SIGLEC1: variants seen among roughly 807,000 people sequenced by gnomAD.
SIGLEC1 encodes sialic acid binding Ig like lectin 1, also known as sialoadhesin.
SIGLEC1 carries 132 observed loss-of-function variants against 148.0 expected under a neutral mutation model. The observed-to-expected ratio is 0.89, with a 90% confidence interval of 0.77 to 1.03. SIGLEC1 has a LOEUF of 1.03. Among genes scored for constraint, SIGLEC1 ranks in the 50% least tolerant of loss-of-function variants. The pLI is 0.00. For missense variants in SIGLEC1, 2,253 were observed against 2,271.4 expected, an observed-to-expected ratio of 0.99 and a Z score of 0.16; for synonymous variants, 945 against 969.0, an observed-to-expected ratio of 0.98 and a Z score of 0.46.
Position 3,697,212 on chromosome 20 carries a change from C to T in SIGLEC1, c.2253G>A (p.Trp751Ter), listed in dbSNP as rs1156367948. ...NFSWFRNGVLWAQGPLETVTL... is the reference protein window; with the variant it reads ...NFSWFRNGVL ...TCACGGTCTCCAGGGGACCCTGGGC[C>T]CACAGCACCCCATTTCGGAACCAGG... Residue 751 changes from tryptophan to a stop codon, truncating the protein, a stop_gained, in exon 10 of 22, where the codon TGG becomes TGA. Coordinates refer to ENST00000344754, the MANE Select transcript of SIGLEC1 (RefSeq NM_023068.4). LOFTEE classifies it high-confidence loss of function. 6.2e-7 allele frequency: 1 copy of T among 1,613,900 alleles called. No homozygotes were observed. The highest frequency in any genetic ancestry group is 8.5e-7 in the Non-Finnish European group (1 of 1,180,020).
At chr20:3,696,990 G>A (rs2087806692) in intron 10 of SIGLEC1, 95 bp downstream of exon 10, 1 of 1,548,900 alleles carries the variant, frequency 6.5e-7, no homozygotes, top group Non-Finnish European at 8.7e-7. Context: ...CCTAAGCCAT[G>A]CTCTTTCCTC....
At chr20:3,704,206 C>T in intron 4 of SIGLEC1, 115 bp from the exon 5 acceptor site, 3 of 983,150 alleles carry the variant, frequency 3.1e-6, no homozygotes, top group Non-Finnish European at 4.6e-6. Flanking sequence ...CCAGATAAAA[C>T]AGCAGTCCCC....
chr20:3,694,120 T>C, intron 13 of SIGLEC1, 101 bp downstream of exon 13: 3 of 1,294,778 alleles, frequency 2.3e-6, no homozygotes, highest in Non-Finnish European at 3.2e-6. Flanking sequence ...TGGGGACTAT[T>C]CCCGTGCCCC....
At position 3,706,544 on chromosome 20, in the gene SIGLEC1, C is replaced by A; in HGVS notation, c.212G>T (p.Ser71Ile). Residue 71 changes from serine (S) to isoleucine (I), a missense_variant, in exon 3 of 22, where the codon AGC (serine) becomes ATC (isoleucine). By Grantham distance (142) the Ser-to-Ile change is moderately radical. Transcript: ENST00000344754. ...YDYSGQRQVV[S>I]HSADPKLVEA... ...CACCAGCTTGGGGTCCGCCGAGTGG[C>A]TCACCACCTGCCGCTGGCCCGAGTA... 1 of 1,612,538 alleles carries A rather than the reference C, an allele frequency of 6.2e-7. No individual in the cohort carries two copies. Among genetic ancestry groups the A allele is most frequent in the Non-Finnish European group, 8.5e-7 (1 of 1,179,844 alleles).
At chr20:3,693,337 T>C (rs2088785063) in intron 14 of SIGLEC1, 110 bp downstream of exon 14, 2 of 1,293,190 alleles carry the variant, frequency 1.5e-6, no homozygotes, top group Non-Finnish European at 2.1e-6. Context: ...CTCCACTAGC[T>C]ACTGGGTACC....
chr20:3,693,019 G>T lies in SIGLEC1; in HGVS notation c.3621C>A (p.His1207Gln). ...TCGAGGAGGCCAAGAGGCGACCGGC[G>T]TGGCTGAGGGCCAGCTGGGCGGGCG... ...SRPPAQLALS[H>Q]AGRLLASSTA... Residue 1207 changes from histidine to glutamine, a missense_variant, in exon 15 of 22, where the codon CAC (histidine) becomes CAA (glutamine). By Grantham distance (24) the His-to-Gln change is conservative. Transcript: ENST00000344754. The T allele has an allele frequency of 6.2e-7, 1 of 1,611,758 alleles. No homozygotes were observed. The highest frequency in any genetic ancestry group is 8.5e-7 in the Non-Finnish European group (1 of 1,179,690).
At chr20:3,701,291 G>T (rs776694023) in intron 7 of SIGLEC1, 51 bp downstream of exon 7, 8 of 1,492,676 alleles carry the variant, frequency 5.4e-6, no homozygotes, top group Non-Finnish European at 7.3e-6. Flanking sequence ...ACTGGAGCAG[G>T]CTCCTCCTCA....
In SIGLEC1 at chr20:3,703,470, G is replaced by A; in HGVS notation, c.974-19C>T. ...TCAGCCACTGCAAGGGCAGCATAGG[G>A]AGTGCTGGGGGGTCCCAGCCAACTT... On this transcript the variant is annotated intron_variant, in intron 5 of 21. Transcript: ENST00000344754. 6.5e-7 allele frequency: 1 copy of A among 1,547,848 alleles called. No individual in the cohort carries two copies. The highest frequency in any genetic ancestry group is 8.7e-7 in the Non-Finnish European group (1 of 1,146,338).
At position 3,699,329 on chromosome 20, in the gene SIGLEC1, G is replaced by A. The variant is rs369763140; in HGVS notation, c.1659C>T (p.His553=). Reference sequence around the variant, plus strand: ...GCAGGAGGCTGCTGCCGGGACCCTCGTGAAGCAGGGCTCCATTCAGGTACC... The same window carrying A: ...GCAGGAGGCTGCTGCCGGGACCCTCATGAAGCAGGGCTCCATTCAGGTACC... The part of the protein sequence containing the change: ...FSWYLNGALL[H]EGPGSSLLLP... The change falls in exon 8 of 22, where the codon CAC becomes CAT. Residue 553 remains histidine, a synonymous_variant. Transcript: ENST00000344754. The A allele has an allele frequency of 4.2e-5, 68 of 1,608,682 alleles. No homozygotes were observed. Among genetic ancestry groups the A allele is most frequent in the African/African-American group, 2.3e-4 (17 of 74,904 alleles).
At position 3,691,525 on chromosome 20, in the gene SIGLEC1, C is replaced by A; in HGVS notation, c.4406G>T (p.Gly1469Val). Residue 1469 changes from glycine (G) to valine (V), a missense_variant, in exon 18 of 22, where the codon GGT becomes GTT. Gly to Val is a moderately radical substitution (Grantham distance 109, BLOSUM62 -3). Coordinates refer to ENST00000344754, the MANE Select transcript of SIGLEC1 (RefSeq NM_023068.4). ...AALNLSCRLL[G>V]GPGPVGNSTF... ...GGAGTTGCCCACAGGCCCAGGGCCA[C>A]CCAGGAGGCGGCAGCTGAGGTTCAG... 3 of 1,613,264 alleles carry A rather than the reference C, an allele frequency of 1.9e-6. No individual in the cohort carries two copies. The highest frequency in any genetic ancestry group is 1.7e-4 in the Middle Eastern group (1 of 6,058).
At chr20:3,704,255 C>G (rs2087876539) in intron 4 of SIGLEC1, among the ~76,000 whole-genome samples, 164 bp from the exon 5 acceptor site, 1 of 152,218 alleles carries the variant, frequency 6.6e-6, no homozygotes, top group African/African-American at 2.4e-5. Context: ...CTGCCCATGT[C>G]CGTCCCTTTC....
intron 4 of SIGLEC1, among the ~76,000 whole-genome samples, chr20:3,705,142 A>G (rs1481452704): frequency 6.6e-6 from 1 of 152,128 alleles, no homozygotes; most frequent in East Asian, 1.9e-4. Flanking sequence ...GATTACAGGC[A>G]TATGCCACCA....
chr20:3,688,818 T>C (rs1191848874), intron 21 of SIGLEC1, 199 bp from the exon 22 acceptor site: 1 of 599,462 alleles, frequency 1.7e-6, no homozygotes, highest in Non-Finnish European at 3.0e-6. Context: ...CTTTCACTTC[T>C]GCCCAGGTGA....
At chr20:3,689,782 A>C in intron 19 of SIGLEC1, 80 bp from the exon 20 acceptor site, 1 of 1,336,698 alleles carries the variant, frequency 7.5e-7, no homozygotes, top group East Asian at 2.5e-5. Flanking sequence ...ACCCAAGATG[A>C]CACCTTCTAA....
At chr20:3,696,379 A>G (rs1046312612) in intron 11 of SIGLEC1, among the ~76,000 whole-genome samples, 2 of 152,166 alleles carry the variant, frequency 1.3e-5, no homozygotes, top group Non-Finnish European at 2.9e-5. Context: ...GTGAATTGCC[A>G]TTGCCTCCTA....
chr20:3,694,312 G>A lies in SIGLEC1; in HGVS notation c.3165C>T (p.His1055=), dbSNP rs754333983. Residue 1055 remains histidine, a synonymous_variant, in exon 13 of 22, where the codon CAC becomes CAT. Transcript: ENST00000344754. ...CACCCTCATCCTCCAGCATAGCCCCGTGGATCTCCAGACGCAGTGTGTTGG... is the reference window on the plus strand; with the variant it reads ...CACCCTCATCCTCCAGCATAGCCCCATGGATCTCCAGACGCAGTGTGTTGG... ...VAPNTLRLEI[H]GAMLEDEGVY... The A allele has an allele frequency of 2.2e-5, 35 of 1,612,960 alleles. No homozygotes were observed. Among genetic ancestry groups the A allele is most frequent in the African/African-American group, 2.7e-5 (2 of 74,890 alleles).
chr20:3,691,042 G>GCT (rs2088754930), intron 18 of SIGLEC1, among the ~76,000 whole-genome samples: 1 of 151,940 alleles, frequency 6.6e-6, no homozygotes, highest in Non-Finnish European at 1.5e-5. Flanking sequence ...TATTGACCAG[G>GCT]CTAGTCTTGA....
intron 11 of SIGLEC1, 100 bp from the exon 12 acceptor site, chr20:3,695,023 T>C (rs2088809156): frequency 7.7e-7 from 1 of 1,296,286 alleles, no homozygotes; most frequent in Non-Finnish European, 1.0e-6. Context: ...CCCAACCCCA[T>C]GTGCTGGAGC....
intron 7 of SIGLEC1, among the ~76,000 whole-genome samples, chr20:3,699,926 T>C (rs2087836290): frequency 8.8e-6 from 1 of 113,034 alleles, no homozygotes; most frequent in Non-Finnish European, 1.6e-5. Context: ...TTCTCCTGCC[T>C]CAGCCTCCCA....
Sources: gnomAD v4.1 joint callset for allele counts (sites outside exome capture counted in the v4.1 genomes callset) on GRCh38, gnomAD v4.1.1 for gene constraint, MANE v1.5 for transcripts, NCBI Gene and HGNC (gene_info 2026-07-23, HGNC 2026-07-21) for gene names.